DCTN2: variants seen among roughly 807,000 people sequenced by gnomAD.
DCTN2 encodes the protein dynactin subunit 2.
A neutral mutation model predicts 55.4 loss-of-function variants in DCTN2; 18 were observed. That is an observed-to-expected ratio of 0.32 (90% CI 0.22 to 0.48). DCTN2 has a LOEUF of 0.48. DCTN2 is among the 20% of genes least tolerant of loss of function. The pLI, the probability that DCTN2 is intolerant of heterozygous loss-of-function variation, is 0.99. For missense variants in DCTN2, 390 were observed against 491.0 expected, an observed-to-expected ratio of 0.79 and a Z score of 1.94; for synonymous variants, 168 against 185.2, an observed-to-expected ratio of 0.91 and a Z score of 0.76.
chr12:57,534,733 T>C (rs1023298079), intron 5 of DCTN2, among the ~76,000 whole-genome samples: 8 of 152,158 alleles, frequency 5.3e-5, no homozygotes, highest in African/African-American at 1.9e-4. Flanking sequence ...AGTGGCATGA[T>C]CTGGGCTCAC....
chr12:57,543,306 G>A lies in DCTN2; in HGVS notation c.105+2722C>T, dbSNP rs372473148. The A allele has an allele frequency of 7.0e-5, 16 of 227,718 alleles. No homozygotes were observed. The East Asian group carries it at 8.9e-4, about 13-fold the overall frequency. The allele number at this position is 227,718 out of a possible 1,614,324, so 14.1% of individuals were successfully genotyped here. Reference sequence around the variant, plus strand: ...GGAGCTCGCAGTGAGCCAAGATCACGCCACTGCACTCCAGCCTGGGCGACA... The same window carrying A: ...GGAGCTCGCAGTGAGCCAAGATCACACCACTGCACTCCAGCCTGGGCGACA... On this transcript the variant is annotated intron_variant, in intron 2 of 13. Coordinates refer to ENST00000548249, the MANE Select transcript of DCTN2 (RefSeq NM_001261413.2).
At position 57,532,445 on chromosome 12, in the gene DCTN2, C is replaced by T. The variant is rs1879820248; in HGVS notation, c.924+127G>A. ...GGAAGCAGTGCCCTGACTTTCCAAG[C>T]TGATAAGCTCTTCATAAGAGCTTAT... is the stretch of plus-strand genomic sequence containing the variant. On this transcript the variant is annotated intron_variant, in intron 11 of 13. Coordinates refer to ENST00000548249, the MANE Select transcript of DCTN2 (RefSeq NM_001261413.2). 7 of 1,334,326 alleles carry T rather than the reference C, an allele frequency of 5.2e-6. 1 individual carries two copies. The South Asian group carries it at 8.4e-5, about 16-fold the overall frequency. The allele number at this position is 1,334,326 out of a possible 1,614,324, so 82.7% of individuals were successfully genotyped here.
chr12:57,540,097 C>T, intron 2 of DCTN2: 6 of 985,230 alleles, frequency 6.1e-6, no homozygotes, highest in Non-Finnish European at 7.2e-6. Context: ...GAGGTGGCTC[C>T]AGATCCTGTG....
At chr12:57,534,149 C>G in intron 6 of DCTN2, 52 bp from the exon 7 acceptor site, 1 of 1,535,338 alleles carries the variant, frequency 6.5e-7, no homozygotes, top group Non-Finnish European at 8.8e-7. Flanking sequence ...AAGGGCCAGT[C>G]ACTCTCCCTC....
At chr12:57,543,243 G>A (rs1485227663) in intron 2 of DCTN2, 1 of 353,786 alleles carries the variant, frequency 2.8e-6, no homozygotes, top group Non-Finnish European at 5.5e-6. Context: ...CAGCTACTCG[G>A]GAGGCTAAGG....
intron 2 of DCTN2, chr12:57,538,299 G>A (rs1325345853): frequency 3.2e-6 from 2 of 626,568 alleles, no homozygotes; most frequent in African/African-American, 1.8e-5. Context: ...TGGCCCGGGA[G>A]CACACTCTAG....
At chr12:57,541,384 G>GC (rs745403340) in intron 2 of DCTN2, 11 of 1,599,338 alleles carry the variant, frequency 6.9e-6, no homozygotes, top group Non-Finnish European at 9.3e-6. Flanking sequence ...TAGTGTCCAG[G>GC]CAAGGTGGTG....
At chr12:57,532,459 A>T in intron 11 of DCTN2, 113 bp downstream of exon 11, 1 of 1,342,276 alleles carries the variant, frequency 7.5e-7, no homozygotes, top group South Asian at 1.2e-5. Context: ...TAAGCTCTTC[A>T]TAAGAGCTTA....
At chr12:57,537,259 G>A (rs1880312065) in intron 2 of DCTN2, among the ~76,000 whole-genome samples, 1 of 151,332 alleles carries the variant, frequency 6.6e-6, no homozygotes, top group South Asian at 2.1e-4. Flanking sequence ...ACTTGAGCCT[G>A]GCAGGTGGAG....
At chr12:57,541,411 G>A (rs1455305566) in intron 2 of DCTN2, 3 of 1,598,174 alleles carry the variant, frequency 1.9e-6, no homozygotes, top group East Asian at 2.2e-5. Flanking sequence ...GAGGATGGGG[G>A]AAGCATTAGG....
At chr12:57,546,543 T>C (rs914412015) in intron 1 of DCTN2, among the ~76,000 whole-genome samples, 1 of 151,844 alleles carries the variant, frequency 6.6e-6, no homozygotes, top group African/African-American at 2.4e-5. Flanking sequence ...ACGCCAGGAT[T>C]GTCATGGGAG....
chr12:57,535,307 T>C, intron 4 of DCTN2, 153 bp from the exon 5 acceptor site: 1 of 996,476 alleles, frequency 1.0e-6, no homozygotes, highest in East Asian at 2.5e-5. Flanking sequence ...GCTAGAGGGC[T>C]GGAGGCTCTC....
chr12:57,534,368 C>A lies in DCTN2; in HGVS notation c.448G>T (p.Val150Phe), dbSNP rs1880038131. The change falls in exon 6 of 14, where the codon GTT (valine) becomes TTT (phenylalanine). Residue 150 changes from valine to phenylalanine, a missense_variant. By Grantham distance (50) the Val-to-Phe change is conservative (BLOSUM62 -1). Coordinates refer to ENST00000548249, the MANE Select transcript of DCTN2 (RefSeq NM_001261413.2). The stretch of plus-strand genomic sequence containing the variant: ...AGCAGCTTCTCCAGGTGGGAAGCAA[C>A]CAGCTGCTGCTTCAGGGCTGCCAGC... The part of the protein sequence containing the change: ...KQLAALKQQL[V>F]ASHLEKLLGP... 1.2e-6 allele frequency: 2 copies of A among 1,612,874 alleles called. No individual in the cohort carries two copies. Among genetic ancestry groups the A allele is most frequent in the Non-Finnish European group, 1.7e-6 (2 of 1,179,268 alleles).
At chr12:57,533,850 G>C (rs970918997) in intron 7 of DCTN2, 103 bp downstream of exon 7, 2 of 1,206,114 alleles carry the variant, frequency 1.7e-6, no homozygotes, top group Non-Finnish European at 2.3e-6. Flanking sequence ...GGAATCAGAG[G>C]AATCAGAAGC....
intron 2 of DCTN2, among the ~76,000 whole-genome samples, chr12:57,545,459 A>T (rs980072389): frequency 6.6e-5 from 10 of 152,224 alleles, no homozygotes; most frequent in Non-Finnish European, 1.5e-4. Context: ...GTTAAAATGT[A>T]TCCGTACCTA....
chr12:57,538,396 G>C (rs1325447598), intron 2 of DCTN2: 2 of 691,016 alleles, frequency 2.9e-6, no homozygotes, highest in Middle Eastern at 2.3e-4. Flanking sequence ...TGTGAGATAG[G>C]AAAAGGCTGG....
intron 2 of DCTN2, among the ~76,000 whole-genome samples, chr12:57,545,294 A>C (rs1254700924): frequency 1.3e-5 from 2 of 152,040 alleles, no homozygotes; most frequent in African/African-American, 4.8e-5. Flanking sequence ...CCATTCACTC[A>C]ATTTTTTTTT....
At chr12:57,535,894 G>C (rs1430753207) in intron 2 of DCTN2, 49 bp from the exon 3 acceptor site, 7 of 1,427,826 alleles carry the variant, frequency 4.9e-6, no homozygotes, top group Non-Finnish European at 6.8e-6. Flanking sequence ...TCCCACTCTA[G>C]AACTTACTCT....
intron 7 of DCTN2, 102 bp from the exon 8 acceptor site, chr12:57,533,405 G>A (rs1594881394): frequency 9.5e-7 from 1 of 1,051,544 alleles, no homozygotes. Context: ...CCACCCCAAG[G>A]GATTCCTTTC....
Sources: gnomAD v4.1 joint callset for allele counts (sites outside exome capture counted in the v4.1 genomes callset) on GRCh38, gnomAD v4.1.1 for gene constraint, MANE v1.5 for transcripts, NCBI Gene and HGNC (gene_info 2026-07-23, HGNC 2026-07-21) for gene names.